The following R3HCC1L variants were observed in gnomAD, a reference collection of about 807,000 sequenced individuals.
The protein encoded by R3HCC1L is R3H domain and coiled-coil containing 1 like, also known as coiled-coil domain-containing protein R3HCC1L.
A neutral mutation model predicts 59.9 loss-of-function variants in R3HCC1L; 51 were observed. The ratio of observed to expected loss-of-function variants is 0.85; its 90% CI spans 0.68 to 1.07. The LOEUF is 1.07. R3HCC1L is among the 50% of genes least tolerant of loss of function. The pLI is 0.00. For missense variants in R3HCC1L, 965 were observed against 933.0 expected (o/e 1.03, Z -0.45); for synonymous variants, 322 against 315.2 (o/e 1.02, Z -0.23).
At chr10:98,193,461 G>C (rs1471879952) in intron 4 of R3HCC1L, among the ~76,000 whole-genome samples, 1 of 152,114 alleles carries the variant, frequency 6.6e-6, no homozygotes, top group African/African-American at 2.4e-5. Context: ...AAAATCACTT[G>C]TGTTTCTGTG....
chr10:98,142,090 A>G (rs966315214), intron 1 of R3HCC1L, among the ~76,000 whole-genome samples: 10 of 152,238 alleles, frequency 6.6e-5, no homozygotes, highest in Non-Finnish European at 1.3e-4. Context: ...AAACTTTTAA[A>G]CCTAAAGCAA....
intron 4 of R3HCC1L, among the ~76,000 whole-genome samples, chr10:98,197,901 A>G (rs1306274882): frequency 2.0e-5 from 3 of 152,212 alleles, no homozygotes; most frequent in Non-Finnish European, 4.4e-5. Flanking sequence ...TAATGAAGTT[A>G]TAGAAAAGGA....
intron 9 of R3HCC1L, among the ~76,000 whole-genome samples, chr10:98,242,131 G>A (rs1458275747): frequency 3.9e-5 from 6 of 152,186 alleles, no homozygotes; most frequent in African/African-American, 1.4e-4. Flanking sequence ...GATTACCTGA[G>A]CTCAGGAGTT....
chr10:98,171,657 G>A (rs539485981), intron 4 of R3HCC1L, among the ~76,000 whole-genome samples: 21 of 152,290 alleles, frequency 1.4e-4, no homozygotes, highest in Admixed American at 8.5e-4. Context: ...AACATTATGA[G>A]AAGAAGTCAT....
chr10:98,172,112 CAT>C (rs1400887718), intron 4 of R3HCC1L, among the ~76,000 whole-genome samples: 2 of 152,192 alleles, frequency 1.3e-5, no homozygotes, highest in Non-Finnish European at 2.9e-5. Flanking sequence ...AGGCTCTACA[CAT>C]GTTTGAGGCT....
At chr10:98,235,318 C>T in intron 7 of R3HCC1L, 107 bp from the exon 8 acceptor site, 1 of 930,636 alleles carries the variant, frequency 1.1e-6, no homozygotes, top group Non-Finnish European at 1.6e-6. Flanking sequence ...CTTTTGCTTG[C>T]TTTGAAAAAA....
At chr10:98,236,000 A>C (rs1383249412) in intron 8 of R3HCC1L, 24 bp from the exon 9 acceptor site, 1 of 1,606,370 alleles carries the variant, frequency 6.2e-7, no homozygotes, top group Non-Finnish European at 8.5e-7. Context: ...ACTCCTTCCT[A>C]CTCCCTTCCT....
intron 4 of R3HCC1L, among the ~76,000 whole-genome samples, chr10:98,199,938 C>A (rs1412242973): frequency 6.6e-6 from 1 of 152,000 alleles, no homozygotes; most frequent in African/African-American, 2.4e-5. Context: ...TTTTGTGTTT[C>A]ATTTATCTAG....
rs371360959 is a variant in R3HCC1L at position 98,134,718 on chromosome 10, C to T, written c.-268+12C>T. 1.3e-5 allele frequency: 2 copies of T among 152,300 alleles called. No homozygotes were observed. Among genetic ancestry groups the T allele is most frequent in the South Asian group, 2.1e-4 (1 of 4,836 alleles). The allele number at this position is 152,300 out of a possible 1,614,324, so 9.4% of individuals were successfully genotyped here. A position where few individuals can be genotyped will look rare whatever the true frequency, so the allele number is the denominator to read the frequency against. On this transcript the variant is annotated intron_variant, in intron 1 of 9. Transcript: ENST00000298999. ...GCAACAGCGCGCCGGTAACAACCAGCCCCGTATCCCCTCCCTCTGTACCTC... is the reference window on the plus strand; with the variant it reads ...GCAACAGCGCGCCGGTAACAACCAGTCCCGTATCCCCTCCCTCTGTACCTC...
chr10:98,239,222 T>G, intron 9 of R3HCC1L, among the ~76,000 whole-genome samples: 1 of 152,200 alleles, frequency 6.6e-6, no homozygotes, highest in East Asian at 1.9e-4. Flanking sequence ...TGTTAAGAAT[T>G]TAATGTTCAT....
intron 5 of R3HCC1L, among the ~76,000 whole-genome samples, chr10:98,224,693 C>T (rs1415895360): frequency 6.6e-6 from 1 of 152,164 alleles, no homozygotes; most frequent in Non-Finnish European, 1.5e-5. Context: ...AAATTGTTTT[C>T]TCTGAATCAT....
intron 1 of R3HCC1L, among the ~76,000 whole-genome samples, chr10:98,147,419 G>C (rs936642567): frequency 6.6e-6 from 1 of 151,982 alleles, no homozygotes; most frequent in Non-Finnish European, 1.5e-5. Context: ...GCTTGATGTA[G>C]TCCCATTTGT....
intron 4 of R3HCC1L, among the ~76,000 whole-genome samples, chr10:98,173,333 A>G (rs11189502): frequency 0.96 from 145,896 of 152,242 alleles, 70,199 homozygotes; most frequent in East Asian, 1. Context: ...CCCTAGCCAT[A>G]GCCAGCTTCC....
chr10:98,231,546 A>T lies in R3HCC1L; in HGVS notation c.1820A>T (p.Gln607Leu). 1 of 1,613,160 alleles carries T rather than the reference A, an allele frequency of 6.2e-7. No individual in the cohort carries two copies. Residue 607 changes from glutamine to leucine, a missense_variant, in exon 6 of 10, where the codon CAG becomes CTG. Gln to Leu is a moderately radical substitution (Grantham distance 113). Coordinates refer to ENST00000298999, the MANE Select transcript of R3HCC1L (RefSeq NM_001351015.2). The part of the protein sequence containing the change: ...SGNTKSRESI[Q>L]EPRSDYYNHE... The stretch of plus-strand genomic sequence containing the variant: ...AATACCAAGAGCAGAGAGAGCATCC[A>T]GGAACCTAGATCTGATTACTACAAT...
At chr10:98,135,077 C>T (rs991014260) in intron 1 of R3HCC1L, among the ~76,000 whole-genome samples, 3 of 152,224 alleles carry the variant, frequency 2.0e-5, no homozygotes, top group Non-Finnish European at 2.9e-5. Flanking sequence ...CCGTGGGCCC[C>T]CAGGGCTGCC....
intron 9 of R3HCC1L, among the ~76,000 whole-genome samples, chr10:98,240,456 G>C (rs1414412010): frequency 1.3e-5 from 2 of 152,182 alleles, no homozygotes; most frequent in African/African-American, 4.8e-5. Context: ...TTCAAAGCCT[G>C]CTACAATTTT....
intron 4 of R3HCC1L, among the ~76,000 whole-genome samples, chr10:98,170,698 C>T (rs1848433354): frequency 1.3e-5 from 2 of 152,104 alleles, no homozygotes; most frequent in Non-Finnish European, 2.9e-5. Flanking sequence ...CACATTTTGG[C>T]CACCAGAGGG....
At chr10:98,216,593 G>T (rs1453613563) in intron 5 of R3HCC1L, among the ~76,000 whole-genome samples, 1 of 152,106 alleles carries the variant, frequency 6.6e-6, no homozygotes, top group Admixed American at 6.6e-5. Context: ...GGTGGGGGTT[G>T]AGACAGTCTC....
At chr10:98,141,007 C>T (rs376128136) in intron 1 of R3HCC1L, among the ~76,000 whole-genome samples, 1 of 151,902 alleles carries the variant, frequency 6.6e-6, no homozygotes, top group East Asian at 1.9e-4. Flanking sequence ...ATGAGGCCCA[C>T]ATTTTTCATG....
Sources: gnomAD v4.1 joint callset for allele counts (sites outside exome capture counted in the v4.1 genomes callset) on GRCh38, gnomAD v4.1.1 for gene constraint, MANE v1.5 for transcripts, NCBI Gene and HGNC (gene_info 2026-07-23, HGNC 2026-07-21) for gene names.